Variants in PHF21A observed in about 807,000 individuals in gnomAD.
PHF21A encodes BHC80a.
Under a neutral mutation model 82.5 loss-of-function variants are expected in PHF21A, and 11 were observed. That is an observed-to-expected ratio of 0.13 (90% CI 0.08 to 0.22). The LOEUF (loss-of-function observed/expected upper bound fraction) is 0.22. Ranked by LOEUF, PHF21A falls within the 10% of genes least tolerant of loss-of-function variation. PHF21A has a pLI of 1.00. For missense variants in PHF21A, 579 were observed against 837.8 expected (o/e 0.69, Z 3.81); for synonymous variants, 297 against 302.8 (o/e 0.98, Z 0.20).
intron 6 of PHF21A, among the ~76,000 whole-genome samples, chr11:46,061,055 T>C (rs1250652612): frequency 2.0e-5 from 3 of 152,242 alleles, no homozygotes; most frequent in Admixed American, 2.0e-4. Context: ...GCACCACTTA[T>C]TGAATAGGGA....
chr11:46,109,284 T>C (rs1236713279), intron 1 of PHF21A, among the ~76,000 whole-genome samples: 1 of 152,158 alleles, frequency 6.6e-6, no homozygotes, highest in Admixed American at 6.6e-5. Context: ...CCTCAGAATA[T>C]TGCTGTGAGG....
At chr11:45,949,079 A>G (rs1186825813) in intron 13 of PHF21A, 133 bp from the exon 14 acceptor site, 6 of 771,354 alleles carry the variant, frequency 7.8e-6, no homozygotes, top group Non-Finnish European at 1.4e-5. Flanking sequence ...TAAGGTCTCA[A>G]TGCTCAAGGG....
At chr11:46,019,429 A>C (rs1462620658) in intron 6 of PHF21A, among the ~76,000 whole-genome samples, 1 of 152,170 alleles carries the variant, frequency 6.6e-6, no homozygotes, top group Non-Finnish European at 1.5e-5. Context: ...TTATAAACTA[A>C]GTGGGAATGA....
chr11:46,049,052 G>A (rs940637251), intron 6 of PHF21A, among the ~76,000 whole-genome samples: 12 of 152,196 alleles, frequency 7.9e-5, no homozygotes, highest in Non-Finnish European at 1.5e-5. Flanking sequence ...GACAGCTTGT[G>A]TTACTGACAA....
At chr11:45,986,104 C>CACACACACACACACACACAG (rs1259029383) in intron 6 of PHF21A, among the ~76,000 whole-genome samples, 1 of 151,624 alleles carries the variant, frequency 6.6e-6, no homozygotes, top group Non-Finnish European at 1.5e-5. Flanking sequence ...CACACACACA[C>CACACACACACACACACACAG]ACACAGAGGT....
At chr11:46,017,585 A>G (rs1422779421) in intron 6 of PHF21A, among the ~76,000 whole-genome samples, 1 of 151,822 alleles carries the variant, frequency 6.6e-6, no homozygotes. Flanking sequence ...TAAGGGGGAA[A>G]AAAAAAAAAC....
intron 6 of PHF21A, among the ~76,000 whole-genome samples, chr11:45,997,138 C>T (rs1001834936): frequency 6.6e-6 from 1 of 152,186 alleles, no homozygotes; most frequent in Non-Finnish European, 1.5e-5. Context: ...TTTACATTTA[C>T]ATTTTGAAGA....
At chr11:46,007,131 G>A (rs1363926572) in intron 6 of PHF21A, among the ~76,000 whole-genome samples, 2 of 152,104 alleles carry the variant, frequency 1.3e-5, no homozygotes, top group Non-Finnish European at 2.9e-5. Context: ...ACCATAACGT[G>A]ACGAGACATC....
rs200063673 is a variant in PHF21A, at chr11:45,933,924, C to G, written c.*44G>C. ...TTTCTAGAGTCTTCAGTGTTCTGTT[C>G]TCCTTGCCGCCGGGATCCCGTGGCT... is the stretch of plus-strand genomic sequence containing the variant. On this transcript the variant is annotated 3_prime_UTR_variant, in exon 19 of 19. Transcript: ENST00000676320. 309 of 1,496,402 alleles carry G rather than the reference C, an allele frequency of 2.1e-4. 2 individuals carry two copies. The African/African-American group carries it at 3.8e-3, about 19-fold the overall frequency. The allele number at this position is 1,496,402 out of a possible 1,614,324, so 92.7% of individuals were successfully genotyped here.
chr11:46,032,280 C>T (rs1406696161), intron 6 of PHF21A, among the ~76,000 whole-genome samples: 1 of 151,304 alleles, frequency 6.6e-6, no homozygotes, highest in Non-Finnish European at 1.5e-5. Flanking sequence ...TCATGTAATC[C>T]CTCTCAACCC....
At chr11:46,108,086 A>G (rs552340176) in intron 1 of PHF21A, among the ~76,000 whole-genome samples, 8 of 152,134 alleles carry the variant, frequency 5.3e-5, no homozygotes, top group African/African-American at 1.9e-4. Context: ...CCTACTTTTT[A>G]TTTTTTCTTT....
chr11:46,030,609 A>G (rs530261654), intron 6 of PHF21A, among the ~76,000 whole-genome samples: 38 of 152,396 alleles, frequency 2.5e-4, no homozygotes, highest in Middle Eastern at 6.8e-3. Context: ...TGAACACAAA[A>G]TTCAAAAAGA....
intron 10 of PHF21A, among the ~76,000 whole-genome samples, chr11:45,961,783 G>A (rs761161029): frequency 7.2e-5 from 11 of 152,268 alleles, no homozygotes; most frequent in East Asian, 3.9e-4. Flanking sequence ...ATTTTAGAGC[G>A]CTGGAGAGGA....
At chr11:46,018,552 T>A (rs2095564877) in intron 6 of PHF21A, among the ~76,000 whole-genome samples, 1 of 152,362 alleles carries the variant, frequency 6.6e-6, no homozygotes, top group African/African-American at 2.4e-5. Context: ...GAAATAGCCG[T>A]CTGTGCATAA....
Position 46,006,744 on chromosome 11 carries a change from G to A in PHF21A, c.154-26778C>T, listed in dbSNP as rs533106499. Among the ~76,000 whole-genome samples the A allele has an allele frequency of 9.9e-5, 15 of 152,260 alleles. No homozygotes were observed. In the South Asian group the frequency reaches 2.5e-3, roughly 25 times the overall value. ...TATTAAGTATTGAACTGTCTTAAACGCCTATTAGAATGTGATATACTTGCC... is the reference window on the plus strand; with the variant it reads ...TATTAAGTATTGAACTGTCTTAAACACCTATTAGAATGTGATATACTTGCC... On this transcript the variant is annotated intron_variant, in intron 6 of 18. Coordinates refer to ENST00000676320, the MANE Select transcript of PHF21A (RefSeq NM_001352027.3).
intron 7 of PHF21A, among the ~76,000 whole-genome samples, chr11:45,978,280 GAC>G: frequency 6.6e-6 from 1 of 152,184 alleles, no homozygotes; most frequent in Admixed American, 6.5e-5. Flanking sequence ...CAGCCTGGGT[GAC>G]ACAGTGAGAC....
intron 6 of PHF21A, among the ~76,000 whole-genome samples, chr11:45,993,821 C>T (rs769888957): frequency 1.3e-5 from 2 of 151,698 alleles, no homozygotes; most frequent in African/African-American, 4.8e-5. Flanking sequence ...GGAAACGGGA[C>T]GGTCAGAGAT....
chr11:46,042,521 G>C (rs765593703), intron 6 of PHF21A, among the ~76,000 whole-genome samples: 2 of 152,108 alleles, frequency 1.3e-5, no homozygotes, highest in Non-Finnish European at 2.9e-5. Flanking sequence ...AAAGAGATTG[G>C]TGAAATGTAT....
intron 6 of PHF21A, among the ~76,000 whole-genome samples, chr11:46,050,085 G>A (rs148817669): frequency 1.8e-3 from 281 of 152,330 alleles, no homozygotes; most frequent in Non-Finnish European, 2.6e-3. Context: ...CAGAGTTAGC[G>A]ATTGCCACTA....
Sources: gnomAD v4.1 joint callset for allele counts (sites outside exome capture counted in the v4.1 genomes callset) on GRCh38, gnomAD v4.1.1 for gene constraint, MANE v1.5 for transcripts, NCBI Gene and HGNC (gene_info 2026-07-23, HGNC 2026-07-21) for gene names.